Variants in SPHKAP observed in about 807,000 individuals in gnomAD.
SPHKAP encodes SPHK1 interactor, AKAP domain containing, also known as A-kinase anchor protein SPHKAP.
In SPHKAP, 67 loss-of-function variants were observed where a neutral mutation model predicts 137.5. That is an observed-to-expected ratio of 0.49 (90% CI 0.40 to 0.60). The LOEUF is 0.60. Ranked by LOEUF, SPHKAP falls within the 20% of genes least tolerant of loss-of-function variation. The pLI, the probability that SPHKAP is intolerant of heterozygous loss-of-function variation, is 0.00. For synonymous variants in SPHKAP, 813 were observed against 785.3 expected (o/e 1.04, Z -0.59); for missense variants, 2,097 against 2,069.3 (o/e 1.01, Z -0.26).
At chr2:228,015,007 T>C (rs1490505009) in intron 7 of SPHKAP, among the ~76,000 whole-genome samples, 2 of 151,988 alleles carry the variant, frequency 1.3e-5, no homozygotes, top group Non-Finnish European at 2.9e-5. Flanking sequence ...GCCATGCTGG[T>C]GTGCTGCACC....
intron 3 of SPHKAP, among the ~76,000 whole-genome samples, chr2:228,092,326 C>CACACACACGTGTATGTGTGTGTATACGT: frequency 1.0e-5 from 1 of 99,412 alleles, no homozygotes; most frequent in African/African-American, 3.6e-5. Context: ...TGTATACGTA[C>CACACACACGTGTATGTGTGTGTATACGT]ACACACACGT....
chr2:228,086,343 C>A (rs571032088), intron 3 of SPHKAP, among the ~76,000 whole-genome samples: 8 of 151,922 alleles, frequency 5.3e-5, no homozygotes, highest in African/African-American at 1.9e-4. Context: ...CTCTTCCCAG[C>A]ACAACTTGAC....
At chr2:228,024,262 A>C (rs1239993963) in intron 5 of SPHKAP, among the ~76,000 whole-genome samples, 27 of 152,080 alleles carry the variant, frequency 1.8e-4, no homozygotes, top group Admixed American at 1.8e-3. Flanking sequence ...TTTCATAGAG[A>C]TATTGAAAGA....
chr2:228,047,888 T>C (rs538260830), intron 3 of SPHKAP, among the ~76,000 whole-genome samples: 10 of 152,284 alleles, frequency 6.6e-5, no homozygotes, highest in African/African-American at 2.4e-4. Context: ...CTCTAAGATA[T>C]GGAAATTCAG....
intron 7 of SPHKAP, among the ~76,000 whole-genome samples, chr2:228,000,207 C>T (rs1054838155): frequency 5.9e-5 from 9 of 152,232 alleles, no homozygotes; most frequent in Non-Finnish European, 7.3e-5. Flanking sequence ...TGGCCAGGAG[C>T]GGTGGCTCAC....
At chr2:228,144,177 A>G (rs915534728) in intron 1 of SPHKAP, among the ~76,000 whole-genome samples, 2 of 152,142 alleles carry the variant, frequency 1.3e-5, no homozygotes, top group African/African-American at 4.8e-5. Flanking sequence ...AGGCCTCTTT[A>G]TCTCTGTTTG....
intron 3 of SPHKAP, among the ~76,000 whole-genome samples, chr2:228,059,992 T>C (rs564853399): frequency 1.2e-4 from 19 of 152,284 alleles, no homozygotes; most frequent in African/African-American, 4.6e-4. Context: ...ATGAGGACAT[T>C]GAAGGGCAGA....
At chr2:228,165,246 A>T (rs1290885982) in intron 1 of SPHKAP, among the ~76,000 whole-genome samples, 3 of 151,796 alleles carry the variant, frequency 2.0e-5, no homozygotes, top group Non-Finnish European at 2.9e-5. Flanking sequence ...ACATGTATCC[A>T]TTTCCCCAAA....
chr2:227,986,682 G>A (rs1188555646), intron 11 of SPHKAP, among the ~76,000 whole-genome samples: 5 of 152,070 alleles, frequency 3.3e-5, no homozygotes, highest in East Asian at 3.9e-4. Context: ...CTCTTCTGAC[G>A]CCCACTTTCT....
chr2:228,122,037 G>T (rs780424615), intron 2 of SPHKAP, among the ~76,000 whole-genome samples: 1 of 152,054 alleles, frequency 6.6e-6, no homozygotes, highest in Non-Finnish European at 1.5e-5. Flanking sequence ...TAGGGAGCAG[G>T]GTTGGCTAGT....
At chr2:228,097,445 T>C (rs1471413568) in intron 3 of SPHKAP, among the ~76,000 whole-genome samples, 2 of 152,232 alleles carry the variant, frequency 1.3e-5, no homozygotes, top group Non-Finnish European at 2.9e-5. Context: ...CCCTGGGACA[T>C]GCAGATTATT....
At chr2:228,035,394 A>T (rs1195568227) in intron 3 of SPHKAP, among the ~76,000 whole-genome samples, 1 of 152,192 alleles carries the variant, frequency 6.6e-6, no homozygotes, top group Non-Finnish European at 1.5e-5. Context: ...ATACAAACAA[A>T]TGGAAGAACA....
In SPHKAP at chr2:228,042,906, C is replaced by T. The variant is rs139152708; in HGVS notation, c.247-15363G>A. 1.7e-3 allele frequency among the ~76,000 whole-genome samples: 262 copies of T among 152,196 alleles called. 1 individual carries two copies. Among genetic ancestry groups the T allele is most frequent in the Non-Finnish European group, 2.5e-3 (169 of 68,010 alleles). Reference sequence around the variant, plus strand: ...ATCTTGTTCCCAGAGGTGTTTATGACTTAATGGATATAAATGGGTGCCAGC... The same window carrying T: ...ATCTTGTTCCCAGAGGTGTTTATGATTTAATGGATATAAATGGGTGCCAGC... On this transcript the variant is annotated intron_variant, in intron 3 of 11. Transcript: ENST00000392056.
chr2:228,032,994 C>T (rs181258074), intron 3 of SPHKAP, among the ~76,000 whole-genome samples: 2 of 152,302 alleles, frequency 1.3e-5, no homozygotes, highest in African/African-American at 2.4e-5. Context: ...AACCAGCTAA[C>T]ATCATGATGA....
chr2:228,054,529 C>T (rs1054086838), intron 3 of SPHKAP, among the ~76,000 whole-genome samples: 49 of 151,956 alleles, frequency 3.2e-4, no homozygotes, highest in African/African-American at 1.2e-3. Flanking sequence ...TTTAGGGAGT[C>T]AATAATTTAG....
intron 7 of SPHKAP, among the ~76,000 whole-genome samples, chr2:227,996,483 T>C (rs1003064949): frequency 1.8e-4 from 28 of 152,184 alleles, no homozygotes; most frequent in African/African-American, 6.8e-4. Context: ...TAGCTATAGC[T>C]GGCTCTGATT....
chr2:228,066,874 G>A (rs936399691), intron 3 of SPHKAP, among the ~76,000 whole-genome samples: 2 of 152,138 alleles, frequency 1.3e-5, no homozygotes, highest in African/African-American at 4.8e-5. Context: ...GCTCGTAAAT[G>A]GAAGGGTAAT....
intron 3 of SPHKAP, among the ~76,000 whole-genome samples, chr2:228,045,628 T>C (rs1213777726): frequency 6.6e-6 from 1 of 151,692 alleles, no homozygotes; most frequent in Admixed American, 6.6e-5. Flanking sequence ...GGGATAGCAT[T>C]AGGAGATATA....
intron 1 of SPHKAP, among the ~76,000 whole-genome samples, chr2:228,149,023 T>G (rs1052445342): frequency 6.6e-6 from 1 of 152,204 alleles, no homozygotes; most frequent in East Asian, 1.9e-4. Flanking sequence ...GAGCTTCATA[T>G]AATTGATGCA....
Sources: gnomAD v4.1 joint callset for allele counts (sites outside exome capture counted in the v4.1 genomes callset) on GRCh38, gnomAD v4.1.1 for gene constraint, MANE v1.5 for transcripts, NCBI Gene and HGNC (gene_info 2026-07-23, HGNC 2026-07-21) for gene names.